The following NFIB variants were observed in gnomAD, a reference collection of about 807,000 sequenced individuals.
NFIB encodes the protein nuclear factor I B, also known as nuclear factor 1 B-type.
Under a neutral mutation model 61.5 loss-of-function variants are expected in NFIB, and 11 were observed. That is an observed-to-expected ratio of 0.18 (90% confidence interval 0.11 to 0.30). The LOEUF (loss-of-function observed/expected upper bound fraction) is 0.30. Among genes scored for constraint, NFIB ranks in the 10% least tolerant of loss-of-function variants. The pLI is 1.00. For missense variants in NFIB, 471 were observed against 608.9 expected, an observed-to-expected ratio of 0.77 and a Z score of 2.38; for synonymous variants, 260 against 216.5, an observed-to-expected ratio of 1.20 and a Z score of -1.76.
chr9:14,293,270 T>C (rs1163078937), intron 2 of NFIB, among the ~76,000 whole-genome samples: 1 of 152,202 alleles, frequency 6.6e-6, no homozygotes, highest in Admixed American at 6.5e-5. Context: ...TCCCTGACAA[T>C]GTGTTAGCTA....
At chr9:14,204,502 G>A (rs2049409629) in intron 2 of NFIB, 4 of 1,087,666 alleles carry the variant, frequency 3.7e-6, no homozygotes, top group Admixed American at 3.5e-5. Context: ...AGTTCACCCA[G>A]GACCTGGACC....
At chr9:14,481,788 T>C in the NFIB span, among the ~76,000 whole-genome samples, 1 of 152,140 alleles carries the variant, frequency 6.6e-6, no homozygotes, top group Admixed American at 6.5e-5. Flanking sequence ...CTGTAAGGCC[T>C]TGTGATCTGT....
At chr9:14,126,459 C>T (rs1015116141) in intron 6 of NFIB, among the ~76,000 whole-genome samples, 2 of 152,150 alleles carry the variant, frequency 1.3e-5, no homozygotes, top group East Asian at 1.9e-4. Context: ...TCGCCAGCTG[C>T]GATGTACAGG....
chr9:14,466,445 C>T, the NFIB span, among the ~76,000 whole-genome samples: 2 of 152,108 alleles, frequency 1.3e-5, no homozygotes, highest in Non-Finnish European at 2.9e-5. Flanking sequence ...CTCTGGATCG[C>T]ACCATCCTCT....
At chr9:14,249,130 C>T (rs2132113468) in intron 2 of NFIB, among the ~76,000 whole-genome samples, 1 of 152,302 alleles carries the variant, frequency 6.6e-6, no homozygotes, top group Middle Eastern at 3.4e-3. Flanking sequence ...GAAATAAGAA[C>T]TTAGTGATAA....
At chr9:14,492,716 C>T in the NFIB span, among the ~76,000 whole-genome samples, 3 of 152,170 alleles carry the variant, frequency 2.0e-5, no homozygotes, top group Non-Finnish European at 4.4e-5. Flanking sequence ...CCACCAGGCC[C>T]CCCACCTCCA....
chr9:14,263,056 C>T lies in NFIB; in HGVS notation c.562+43933G>A, dbSNP rs76768128. Among the ~76,000 whole-genome samples the T allele has an allele frequency of 4.4e-3, 665 of 152,234 alleles. 2 individuals carry two copies. Among genetic ancestry groups the T allele is most frequent in the Middle Eastern group, 0.027 (8 of 294 alleles). On this transcript the variant is annotated intron_variant, in intron 2 of 10. Transcript: ENST00000380953. ...TCTTTCCCAAGGTCTCCAAGTACTG[C>T]GGCATGCACATATCCTGCCATATTG...
intron 2 of NFIB, among the ~76,000 whole-genome samples, chr9:14,184,736 A>G (rs1290657231): frequency 6.6e-6 from 1 of 152,138 alleles, no homozygotes; most frequent in African/African-American, 2.4e-5. Context: ...TTAAATGTAA[A>G]TCAATTAAGA....
At chr9:14,119,929 T>C (rs1426281481) in intron 8 of NFIB, among the ~76,000 whole-genome samples, 1 of 152,348 alleles carries the variant, frequency 6.6e-6, no homozygotes, top group Non-Finnish European at 1.5e-5. Flanking sequence ...ATGTCACTCA[T>C]TATTAAATGT....
intron 2 of NFIB, among the ~76,000 whole-genome samples, chr9:14,254,354 C>T (rs1485593528): frequency 6.6e-6 from 1 of 152,042 alleles, no homozygotes; most frequent in East Asian, 1.9e-4. Flanking sequence ...ATAAGATGCT[C>T]CCTCCACCCC....
At chr9:14,440,519 C>G in the NFIB span, among the ~76,000 whole-genome samples, 1 of 152,114 alleles carries the variant, frequency 6.6e-6, no homozygotes. Context: ...CAATGAATGT[C>G]AAAAATCACT....
the NFIB span, among the ~76,000 whole-genome samples, chr9:14,429,573 C>G: frequency 6.6e-6 from 1 of 152,244 alleles, no homozygotes; most frequent in East Asian, 1.9e-4. Flanking sequence ...CTTCCTATGG[C>G]TGAGCTACAG....
intron 10 of NFIB, among the ~76,000 whole-genome samples, chr9:14,100,524 C>G (rs1379831277): frequency 6.6e-6 from 1 of 151,828 alleles, no homozygotes; most frequent in Non-Finnish European, 1.5e-5. Flanking sequence ...CTGGCTAACA[C>G]AGTGAAGCCC....
At chr9:14,242,545 G>A (rs750032002) in intron 2 of NFIB, among the ~76,000 whole-genome samples, 1 of 152,224 alleles carries the variant, frequency 6.6e-6, no homozygotes, top group Non-Finnish European at 1.5e-5. Context: ...AAGCATCACA[G>A]AGCACAAACA....
At chr9:14,410,595 G>A in the NFIB span, among the ~76,000 whole-genome samples, 1 of 152,288 alleles carries the variant, frequency 6.6e-6, no homozygotes, top group Admixed American at 6.5e-5. Context: ...GATTGTGGTG[G>A]AAGAAAGTTG....
rs531011821 is a variant in NFIB at position 14,232,250 on chromosome 9, TTTTCTC to T, written c.563-52476_563-52471del. 2.2e-4 allele frequency among the ~76,000 whole-genome samples: 34 copies of T among 152,272 alleles called. No homozygotes were observed. In the South Asian group the frequency reaches 6.6e-3, roughly 30 times the overall value. On this transcript the variant is annotated intron_variant, in intron 2 of 10. Transcript: ENST00000380953. ...TTTGTGCCTTTTCTGCATGGCTGCT[TTTTCTC>T]ATACAAGAGCCACTTCTGGACAATA...
intron 10 of NFIB, among the ~76,000 whole-genome samples, chr9:14,107,957 T>C (rs2036811213): frequency 6.6e-6 from 1 of 152,154 alleles, no homozygotes; most frequent in African/African-American, 2.4e-5. Flanking sequence ...CTTATCTGGA[T>C]ATTAGTCTTT....
chr9:14,192,730 C>A (rs527683471), intron 2 of NFIB, among the ~76,000 whole-genome samples: 5 of 152,132 alleles, frequency 3.3e-5, no homozygotes, highest in Non-Finnish European at 5.9e-5. Context: ...GCAGCTCCAG[C>A]TCAATTTGTG....
At chr9:14,516,330 T>C in the NFIB span, among the ~76,000 whole-genome samples, 2 of 152,258 alleles carry the variant, frequency 1.3e-5, no homozygotes, top group African/African-American at 2.4e-5. Flanking sequence ...GTGTGGGCTT[T>C]ATGGGATTTC....
Sources: allele counts gnomAD v4.1 joint callset (sites outside exome capture counted in the v4.1 genomes callset), GRCh38; gene constraint gnomAD v4.1.1; transcripts MANE v1.5; gene names NCBI Gene and HGNC (gene_info 2026-07-23, HGNC 2026-07-21).